The following PRAG1 variants were observed in gnomAD, a reference collection of about 807,000 sequenced individuals.
The protein encoded by PRAG1 is PEAK1 related, kinase-activating pseudokinase 1.
A neutral mutation model predicts 95.6 loss-of-function variants in PRAG1; 110 were observed. That is an observed-to-expected ratio of 1.15 (90% CI 0.99 to 1.35). PRAG1 has a LOEUF of 1.35. PRAG1 is among the 40% of genes most tolerant of loss of function. The pLI, the probability that PRAG1 is intolerant of heterozygous loss-of-function variation, is 0.00. For missense variants in PRAG1, 2,554 were observed against 1,864.7 expected, an observed-to-expected ratio of 1.37 and a Z score of -6.81; for synonymous variants, 1,052 against 819.4, an observed-to-expected ratio of 1.28 and a Z score of -4.85.
At chr8:8,330,811 C>T (rs538893333) in intron 4 of PRAG1, among the ~76,000 whole-genome samples, 2 of 152,226 alleles carry the variant, frequency 1.3e-5, no homozygotes, top group East Asian at 3.9e-4. Context: ...TCCTCTCCCT[C>T]CTCCCTCTAA....
At chr8:8,372,113 C>G (rs567650622) in intron 3 of PRAG1, among the ~76,000 whole-genome samples, 4 of 152,300 alleles carry the variant, frequency 2.6e-5, no homozygotes, top group East Asian at 1.9e-4. Context: ...ACCCAAAAGT[C>G]ATTAAGTCAT....
chr8:8,384,845 T>C (rs1158380342), intron 1 of PRAG1, among the ~76,000 whole-genome samples: 2 of 152,100 alleles, frequency 1.3e-5, no homozygotes, highest in African/African-American at 4.8e-5. Flanking sequence ...ATCCTCCCCA[T>C]TTCAGTAGGA....
At chr8:8,341,967 C>A (rs1043758966) in intron 3 of PRAG1, among the ~76,000 whole-genome samples, 3 of 152,088 alleles carry the variant, frequency 2.0e-5, no homozygotes, top group South Asian at 2.1e-4. Context: ...CCCATCTCTA[C>A]TAATCATACA....
intron 3 of PRAG1, among the ~76,000 whole-genome samples, chr8:8,352,205 G>A (rs1163882540): frequency 1.3e-5 from 2 of 152,070 alleles, no homozygotes; most frequent in Non-Finnish European, 2.9e-5. Flanking sequence ...TTCACGCTGG[G>A]GCAGCCTTTT....
chr8:8,382,105 TGGGGAGTCCCCTAAAATCCTGGGA>T (rs1174700713), intron 1 of PRAG1, among the ~76,000 whole-genome samples: 5 of 151,996 alleles, frequency 3.3e-5, no homozygotes, highest in Non-Finnish European at 7.4e-5. Context: ...AAATCCTGGG[TGGGGAGTCCCCTAAAATCCTGGGA>T]GGTTTTGGGC....
In PRAG1 at chr8:8,377,392, G is replaced by A. The variant is rs376853254; in HGVS notation, c.1017C>T (p.Asp339=). 1,467 of 1,586,350 alleles carry A rather than the reference G, an allele frequency of 9.2e-4. 24 individuals are homozygous for A. The South Asian group carries it at 0.014, about 15-fold the overall frequency. The change falls in exon 3 of 6, where the codon GAC becomes GAT. Residue 339 remains aspartate (D), a synonymous_variant. Transcript: ENST00000615670. ...CGCTGCCGCTGCCACAAGAGAGGCC[G>A]TCGGAAGAAATGGCAGCCTCCGAGG... ...SLTSEAAISS[D]GLSCGSGSGS...
chr8:8,364,721 A>G (rs1027004731), intron 3 of PRAG1, among the ~76,000 whole-genome samples: 9 of 151,810 alleles, frequency 5.9e-5, no homozygotes, highest in African/African-American at 1.5e-4. Flanking sequence ...ATCATCTCGT[A>G]AGCAATCTGT....
At chr8:8,335,232 T>C (rs777584469) in intron 4 of PRAG1, among the ~76,000 whole-genome samples, 1 of 152,230 alleles carries the variant, frequency 6.6e-6, no homozygotes, top group Non-Finnish European at 1.5e-5. Context: ...TGCCAATGTA[T>C]GGCACAGAGT....
intron 3 of PRAG1, chr8:8,374,810 T>A: frequency 2.2e-6 from 1 of 448,862 alleles, no homozygotes; most frequent in Non-Finnish European, 2.9e-6. Context: ...TTAGATCACA[T>A]CAGTGCCTGA....
At chr8:8,360,292 C>T (rs1384394042) in intron 3 of PRAG1, among the ~76,000 whole-genome samples, 1 of 152,166 alleles carries the variant, frequency 6.6e-6, no homozygotes, top group Admixed American at 6.5e-5. Context: ...GTCTTCCAAG[C>T]CCAGGGCCCC....
chr8:8,368,917 G>T (rs1800101537), intron 3 of PRAG1, among the ~76,000 whole-genome samples: 1 of 149,308 alleles, frequency 6.7e-6, no homozygotes, highest in Non-Finnish European at 1.5e-5. Flanking sequence ...CACCTGCTCA[G>T]GTTGAAAAAA....
chr8:8,379,216 G>A (rs1283619883), intron 2 of PRAG1, among the ~76,000 whole-genome samples: 3 of 152,212 alleles, frequency 2.0e-5, no homozygotes, highest in Non-Finnish European at 4.4e-5. Context: ...TATGCCAGAG[G>A]TCATCTTTCT....
chr8:8,381,104 A>T (rs1426495551), intron 2 of PRAG1, among the ~76,000 whole-genome samples: 1 of 152,164 alleles, frequency 6.6e-6, no homozygotes, highest in African/African-American at 2.4e-5. Context: ...ACTTGTATAT[A>T]TATTTAAAAT....
intron 4 of PRAG1, among the ~76,000 whole-genome samples, chr8:8,337,634 C>G (rs1158663009): frequency 6.6e-6 from 1 of 152,156 alleles, no homozygotes; most frequent in Non-Finnish European, 1.5e-5. Context: ...TACATATCTT[C>G]TTGTTGGTCT....
At chr8:8,382,209 CG>C (rs1800701809) in intron 1 of PRAG1, among the ~76,000 whole-genome samples, 1 of 152,094 alleles carries the variant, frequency 6.6e-6, no homozygotes, top group Non-Finnish European at 1.5e-5. Context: ...TCCCTGACAC[CG>C]GGGCCTAGAG....
At chr8:8,344,403 T>C (rs1003237361) in intron 3 of PRAG1, among the ~76,000 whole-genome samples, 40 of 152,172 alleles carry the variant, frequency 2.6e-4, no homozygotes, top group African/African-American at 9.2e-4. Context: ...GCCATTTGTA[T>C]AGAGATTAAA....
At chr8:8,321,145 T>G (rs1176475200) in intron 5 of PRAG1, among the ~76,000 whole-genome samples, 1 of 152,214 alleles carries the variant, frequency 6.6e-6, no homozygotes, top group Non-Finnish European at 1.5e-5. Context: ...AGTGCAGTGG[T>G]GCAATCACAG....
intron 5 of PRAG1, among the ~76,000 whole-genome samples, chr8:8,321,991 A>G (rs180829453): frequency 2.6e-5 from 4 of 152,292 alleles, no homozygotes; most frequent in Non-Finnish European, 2.9e-5. Context: ...ACCTTGTTTA[A>G]CATACCTTGT....
At chr8:8,382,348 G>C (rs1800707558) in intron 1 of PRAG1, among the ~76,000 whole-genome samples, 1 of 152,228 alleles carries the variant, frequency 6.6e-6, no homozygotes, top group South Asian at 2.1e-4. Flanking sequence ...CCTGAAAGGT[G>C]CATTGTAATC....
Sources: gnomAD v4.1 joint callset for allele counts (sites outside exome capture counted in the v4.1 genomes callset) on GRCh38, gnomAD v4.1.1 for gene constraint, MANE v1.5 for transcripts, NCBI Gene and HGNC (gene_info 2026-07-23, HGNC 2026-07-21) for gene names.